The following CDH16 variants were observed in gnomAD, a reference collection of about 807,000 sequenced individuals.
CDH16 encodes the protein cadherin 16.
CDH16 carries 79 observed loss-of-function variants against 87.6 expected under a neutral mutation model. That is an observed-to-expected ratio of 0.90 (90% CI 0.75 to 1.09). The LOEUF (loss-of-function observed/expected upper bound fraction) is 1.09, where lower values mean the gene tolerates loss of function less well. Ranked by LOEUF, CDH16 falls within the 50% of genes least tolerant of loss-of-function variation. The probability of loss-of-function intolerance (pLI) is 0.00; values close to 1 mark genes in which losing one functional copy is unlikely to be tolerated. For missense variants in CDH16, 1,124 were observed against 1,071.7 expected (o/e 1.05, Z -0.68); for synonymous variants, 457 against 439.5 (o/e 1.04, Z -0.50).
At chr16:66,915,437 T>A in intron 5 of CDH16, 59 bp from the exon 6 acceptor site, 1 of 1,535,122 alleles carries the variant, frequency 6.5e-7, no homozygotes, top group Admixed American at 1.8e-5. Flanking sequence ...GAGTCTCCCA[T>A]GCCTCTCCTA....
rs758856595 is a variant in CDH16, at chr16:66,909,239, C to T, written c.2392+28G>A. 13 of 1,398,098 alleles carry T rather than the reference C, an allele frequency of 9.3e-6. No individual in the cohort carries two copies. The highest frequency in any genetic ancestry group is 2.3e-5 in the East Asian group (1 of 43,896). 86.6% of individuals were successfully genotyped at this position (1,398,098 alleles called of 1,614,324 possible). The stretch of plus-strand genomic sequence containing the variant: ...GTCCCAACCACCCATCGCCCTCGCC[C>T]ACGCAGGTAATGTCCAACCTCCATT... On this transcript the variant is annotated intron_variant, in intron 17 of 17. Coordinates refer to ENST00000299752, the MANE Select transcript of CDH16 (RefSeq NM_004062.4). This position sits in a 1 kb window ranked among gnomAD's most constrained non-coding sequence, Gnocchi z 4.1.
chr16:66,911,302 T>C lies in CDH16; in HGVS notation c.1804A>G (p.Asn602Asp), dbSNP rs757471088. ...ISRTLRFSLV[N>D]DSEGWLCIEK... ...ATGCAGAGCCAGCCCTCTGAGTCAT[T>C]GACTAGGGAGAACCTGCCGCCCAAA... The change falls in exon 14 of 18, where the codon AAT (asparagine) becomes GAT (aspartate). Residue 602 changes from asparagine (N) to aspartate (D), a missense_variant. Transcript: ENST00000299752. The C allele has an allele frequency of 6.8e-6, 11 of 1,613,364 alleles. No homozygotes were observed. In the Admixed American group the frequency reaches 1.8e-4, roughly 27 times the overall value.
At chr16:66,912,451 G>A (rs933874660) in intron 11 of CDH16, 21 bp from the exon 12 acceptor site, 11 of 1,613,962 alleles carry the variant, frequency 6.8e-6, no homozygotes, top group Middle Eastern at 1.6e-4. Flanking sequence ...AGGAGGGATG[G>A]TGAGCCCCCC....
chr16:66,914,431 T>A lies in CDH16; in HGVS notation c.584-19A>T, dbSNP rs376205702. The A allele has an allele frequency of 3.1e-6, 5 of 1,599,216 alleles. No individual in the cohort carries two copies. In the African/African-American group the frequency reaches 6.7e-5, roughly 21 times the overall value. ...GTGCTCCCTAGAACAGGGAGGATGG[T>A]CAGCTGAGCAGGCAGCCAGGGAGCA... On this transcript the variant is annotated intron_variant, in intron 6 of 17. Coordinates refer to ENST00000299752, the MANE Select transcript of CDH16 (RefSeq NM_004062.4).
chr16:66,917,095 G>A, intron 3 of CDH16, among the ~76,000 whole-genome samples: 1 of 150,974 alleles, frequency 6.6e-6, no homozygotes, highest in African/African-American at 2.4e-5. Flanking sequence ...AGACCAGCCT[G>A]GCCAACATGG....
chr16:66,912,973 C>A, intron 9 of CDH16, 82 bp from the exon 10 acceptor site: 1 of 1,448,206 alleles, frequency 6.9e-7, no homozygotes. Flanking sequence ...TTGTGCCAAA[C>A]TAAACTGAAT....
At position 66,914,293 on chromosome 16, in the gene CDH16, C is replaced by A. The variant is rs755002108; in HGVS notation, c.703G>T (p.Glu235Ter). The change falls in exon 7 of 18, where the codon GAG becomes TAG. Residue 235 changes from glutamate (E) to a stop codon, truncating the protein, a stop_gained. Transcript: ENST00000299752. LOFTEE classifies it high-confidence loss of function. ...ATATVEVSII[E>*]STWVSLEPIH... Reference sequence around the variant, plus strand: ...GGCTCTAGGGACACCCAGGTGCTCTCTATGATGGAGACTTCCACGGTGGCA... The same window carrying A: ...GGCTCTAGGGACACCCAGGTGCTCTATATGATGGAGACTTCCACGGTGGCA... 6.2e-7 allele frequency: 1 copy of A among 1,614,192 alleles called. No individual in the cohort carries two copies. The highest frequency in any genetic ancestry group is 1.3e-5 in the African/African-American group (1 of 75,048).
At position 66,917,205 on chromosome 16, in the gene CDH16, A is replaced by C. The variant is rs567585650; in HGVS notation, c.129+437T>G. ...TCCCAGCTACTCAGGAGGCTGAGGC[A>C]GGAGAATCTCTTGAACCCAGGACGT... is the stretch of plus-strand genomic sequence containing the variant. On this transcript the variant is annotated intron_variant, in intron 3 of 17. Coordinates refer to ENST00000299752, the MANE Select transcript of CDH16 (RefSeq NM_004062.4). Among the ~76,000 whole-genome samples the C allele has an allele frequency of 2.1e-3, 327 of 152,210 alleles. 1 individual carries two copies. The highest frequency in any genetic ancestry group is 4.0e-3 in the Non-Finnish European group (271 of 68,014).
At chr16:66,915,138 C>T in intron 6 of CDH16, 82 bp downstream of exon 6, 2 of 1,354,118 alleles carry the variant, frequency 1.5e-6, no homozygotes, top group South Asian at 2.8e-5. Context: ...AAGCTCCCAC[C>T]CATGCTTGTC....
At chr16:66,917,223 C>G (rs1962718078) in intron 3 of CDH16, among the ~76,000 whole-genome samples, 1 of 151,974 alleles carries the variant, frequency 6.6e-6, no homozygotes, top group East Asian at 1.9e-4. Context: ...CTCTTGAACC[C>G]AGGACGTGGA....
At chr16:66,912,178 G>A in intron 12 of CDH16, 38 bp from the exon 13 acceptor site, 1 of 1,604,882 alleles carries the variant, frequency 6.2e-7, no homozygotes, top group South Asian at 1.1e-5. Flanking sequence ...GCGGGCCTGG[G>A]CAAGGCACAT....
At position 66,917,716 on chromosome 16, in the gene CDH16, T is replaced by C. The variant is rs45583640; in HGVS notation, c.55A>G (p.Lys19Glu). Residue 19 changes from lysine (K) to glutamate (E), a missense_variant, in exon 3 of 18, where the codon AAG becomes GAG. Transcript: ENST00000299752. Reference sequence around the variant, plus strand: ...ACAGACAGCTCTGCAGGCTGGGCCTTGGGGAGAGCCTGTGGGAGGATTCTC... The same window carrying C: ...ACAGACAGCTCTGCAGGCTGGGCCTCGGGGAGAGCCTGTGGGAGGATTCTC... ...LCVSVPQALP[K>E]AQPAELSVEV... 2 of 1,611,408 alleles carry C rather than the reference T, an allele frequency of 1.2e-6. No homozygotes were observed. The highest frequency in any genetic ancestry group is 1.7e-5 in the Admixed American group (1 of 59,698).
chr16:66,917,775 C>A, intron 2 of CDH16, 50 bp from the exon 3 acceptor site: 1 of 1,474,434 alleles, frequency 6.8e-7, no homozygotes. Context: ...CCTGCGTGGG[C>A]ACTGAGACCC....
Position 66,913,167 on chromosome 16 carries a change from C to A in CDH16, c.1018G>T (p.Asp340Tyr). Residue 340 changes from aspartate (D) to tyrosine (Y), a missense_variant, in exon 9 of 18, where the codon GAC becomes TAC. Asp to Tyr is a radical substitution (Grantham distance 160). Coordinates refer to ENST00000299752, the MANE Select transcript of CDH16 (RefSeq NM_004062.4). ...AGCTCAGGGATGCTGACTGTGGGGT[C>A]ACGGGGAGGGCAGATAGGCACGTTG... Reference protein sequence around the residue: ...NDNVPICPPRDPTVSIPELSP... With the variant: ...NDNVPICPPRYPTVSIPELSP... 2 of 1,609,844 alleles carry A rather than the reference C, an allele frequency of 1.2e-6. No individual in the cohort carries two copies. The highest frequency in any genetic ancestry group is 1.7e-6 in the Non-Finnish European group (2 of 1,178,024).
chr16:66,917,628 G>A lies in CDH16; in HGVS notation c.129+14C>T. 6.2e-7 allele frequency: 1 copy of A among 1,605,530 alleles called. No individual in the cohort carries two copies. The highest frequency in any genetic ancestry group is 2.2e-5 in the East Asian group (1 of 44,808). The stretch of plus-strand genomic sequence containing the variant: ...AGGGATCCCCCCGGCCCCAACCCCA[G>A]CTCTCCGGCTCACCTTGGTCAGGTA... On this transcript the variant is annotated intron_variant, in intron 3 of 17. Transcript: ENST00000299752.
At chr16:66,912,165 T>C (rs765623344) in intron 12 of CDH16, 25 bp from the exon 13 acceptor site, 3 of 1,606,906 alleles carry the variant, frequency 1.9e-6, no homozygotes, top group African/African-American at 2.7e-5. Flanking sequence ...CCCAGGTCAC[T>C]GTGCGGGCCT....
chr16:66,912,467 C>A, intron 11 of CDH16, 37 bp from the exon 12 acceptor site: 1 of 1,614,162 alleles, frequency 6.2e-7, no homozygotes, highest in Non-Finnish European at 8.5e-7. Context: ...CCCCCACCAG[C>A]ATCCTTCCCA....
chr16:66,914,183 G>A (rs1277581481), intron 7 of CDH16, 33 bp downstream of exon 7: 1 of 1,585,218 alleles, frequency 6.3e-7, no homozygotes, highest in Non-Finnish European at 8.6e-7. Flanking sequence ...CCATCCATGG[G>A]GCTGCTTCAG....
rs1177541049 is a variant in CDH16, at chr16:66,916,015, C to T, written c.424+50G>A. On this transcript the variant is annotated intron_variant, in intron 5 of 17. Coordinates refer to ENST00000299752, the MANE Select transcript of CDH16 (RefSeq NM_004062.4). This position sits in a 1 kb window ranked among gnomAD's most constrained non-coding sequence, Gnocchi z 4.1. ...GCCATCTCTTCGCTCTCTGCTGTTC[C>T]ATCAAGGCCCACCTGACCTTACTGT... 6 of 1,610,964 alleles carry T rather than the reference C, an allele frequency of 3.7e-6. No homozygotes were observed. The highest frequency in any genetic ancestry group is 4.2e-6 in the Non-Finnish European group (5 of 1,178,570).
Sources: gnomAD v4.1 joint callset for allele counts (sites outside exome capture counted in the v4.1 genomes callset) on GRCh38, gnomAD v4.1.1 for gene constraint, Gnocchi (gnomAD v3.1) non-coding constraint, MANE v1.5 for transcripts, NCBI Gene and HGNC (gene_info 2026-07-23, HGNC 2026-07-21) for gene names.